Variants in GARRE1 observed in about 807,000 individuals in gnomAD.
GARRE1 encodes granule associated Rac and RHOG effector 1, also known as granule associated Rac and RHOG effector protein 1.
In GARRE1, 49 loss-of-function variants were observed where a neutral mutation model predicts 103.2. The observed-to-expected ratio is 0.47, with a 90% confidence interval of 0.38 to 0.60. GARRE1 has a LOEUF of 0.60. Among genes scored for constraint, GARRE1 ranks in the 20% least tolerant of loss-of-function variants. GARRE1 has a pLI of 0.00. For missense variants in GARRE1, 1,199 were observed against 1,370.5 expected (o/e 0.87, Z 1.98); for synonymous variants, 505 against 532.8 (o/e 0.95, Z 0.72).
intron 1 of GARRE1, among the ~76,000 whole-genome samples, chr19:34,290,332 G>A (rs567403550): frequency 1.0e-3 from 155 of 152,140 alleles, no homozygotes; most frequent in Non-Finnish European, 2.0e-3. Flanking sequence ...CTCCAGCCTG[G>A]GTGACAGAGC....
At chr19:34,352,114 C>T (rs1463622419) in intron 13 of GARRE1, among the ~76,000 whole-genome samples, 2 of 150,802 alleles carry the variant, frequency 1.3e-5, no homozygotes, top group Non-Finnish European at 3.0e-5. Flanking sequence ...TTTTTAAAAA[C>T]AATCAGCCGG....
intron 10 of GARRE1, among the ~76,000 whole-genome samples, chr19:34,347,025 G>C (rs1287680930): frequency 6.6e-6 from 1 of 152,028 alleles, no homozygotes; most frequent in Non-Finnish European, 1.5e-5. Flanking sequence ...CTGGGCCCAA[G>C]TGATCCCCCC....
At chr19:34,258,506 C>T (rs916807781) in intron 1 of GARRE1, among the ~76,000 whole-genome samples, 4 of 152,050 alleles carry the variant, frequency 2.6e-5, no homozygotes, top group South Asian at 2.1e-4. Context: ...CACTTCTGGC[C>T]GGGCGCAGTG....
At chr19:34,293,332 G>A (rs1181269601) in intron 1 of GARRE1, among the ~76,000 whole-genome samples, 1 of 151,548 alleles carries the variant, frequency 6.6e-6, no homozygotes, top group African/African-American at 2.4e-5. Context: ...GGGAAAAAAA[G>A]GAGTAAATAA....
intron 1 of GARRE1, among the ~76,000 whole-genome samples, chr19:34,260,295 A>G (rs1436998691): frequency 2.6e-5 from 4 of 152,208 alleles, no homozygotes; most frequent in African/African-American, 4.8e-5. Context: ...TTTTGTGACA[A>G]TGCGATTGCA....
chr19:34,347,275 G>A (rs184522056), intron 10 of GARRE1, among the ~76,000 whole-genome samples: 1 of 151,674 alleles, frequency 6.6e-6, no homozygotes, highest in Non-Finnish European at 1.5e-5. Context: ...TTTTAGTAGT[G>A]GTGACAGGGT....
intron 3 of GARRE1, among the ~76,000 whole-genome samples, chr19:34,320,427 G>A (rs914009029): frequency 3.9e-5 from 6 of 152,212 alleles, no homozygotes; most frequent in Admixed American, 6.5e-5. Context: ...GTCTCTGAAC[G>A]GTAGTGCTGC....
At chr19:34,299,251 C>T (rs746255499) in intron 1 of GARRE1, among the ~76,000 whole-genome samples, 1 of 152,146 alleles carries the variant, frequency 6.6e-6, no homozygotes, top group African/African-American at 2.4e-5. Context: ...TTTTGATTTC[C>T]CTTGCCCTTT....
At chr19:34,270,363 A>T (rs1458368474) in intron 1 of GARRE1, among the ~76,000 whole-genome samples, 1 of 152,184 alleles carries the variant, frequency 6.6e-6, no homozygotes, top group Non-Finnish European at 1.5e-5. Context: ...GTTGCTGTTT[A>T]GTTGGAGGAC....
At chr19:34,264,634 G>A (rs1372305842) in intron 1 of GARRE1, among the ~76,000 whole-genome samples, 2 of 152,294 alleles carry the variant, frequency 1.3e-5, no homozygotes, top group Admixed American at 1.3e-4. Context: ...TCCTGACCTT[G>A]TGATCCGCCC....
chr19:34,350,127 G>A (rs1297962065), intron 12 of GARRE1, among the ~76,000 whole-genome samples: 3 of 152,150 alleles, frequency 2.0e-5, no homozygotes, highest in Admixed American at 1.3e-4. Context: ...AGGGTATGAG[G>A]GTAGTAAATG....
intron 1 of GARRE1, among the ~76,000 whole-genome samples, chr19:34,279,523 T>G (rs2073838311): frequency 6.6e-6 from 1 of 152,048 alleles, no homozygotes; most frequent in Non-Finnish European, 1.5e-5. Context: ...GGCCAGCACT[T>G]ATTTTCTGTG....
intron 1 of GARRE1, among the ~76,000 whole-genome samples, chr19:34,270,150 A>G (rs548465878): frequency 3.3e-5 from 5 of 152,358 alleles, no homozygotes; most frequent in South Asian, 4.1e-4. Flanking sequence ...CCGCAGTTGC[A>G]CAGGAAATGA....
chr19:34,341,169 C>T (rs2074183928), intron 9 of GARRE1, among the ~76,000 whole-genome samples: 1 of 152,132 alleles, frequency 6.6e-6, no homozygotes, highest in African/African-American at 2.4e-5. Context: ...CCTCCTGTGC[C>T]ACCATTAGAG....
chr19:34,331,024 C>T (rs2074135608), intron 7 of GARRE1, among the ~76,000 whole-genome samples: 1 of 151,682 alleles, frequency 6.6e-6, no homozygotes, highest in African/African-American at 2.4e-5. Flanking sequence ...CTCGGCTTCC[C>T]GAGTAGCTGG....
At chr19:34,341,284 A>C in intron 9 of GARRE1, 138 bp from the exon 10 acceptor site, 1 of 681,614 alleles carries the variant, frequency 1.5e-6, no homozygotes, top group Non-Finnish European at 2.5e-6. Context: ...GTGTTCATTT[A>C]TATATAAAAT....
Position 34,353,108 on chromosome 19 carries a change from G to A in GARRE1, c.*153G>A. 1 of 707,306 alleles carries A rather than the reference G, an allele frequency of 1.4e-6. No individual in the cohort carries two copies. Among genetic ancestry groups the A allele is most frequent in the Middle Eastern group, 4.0e-4 (1 of 2,504 alleles). The allele number at this position is 707,306 out of a possible 1,614,324, so 43.8% of individuals were successfully genotyped here. A position where few individuals can be genotyped will look rare whatever the true frequency, so the allele number is the denominator to read the frequency against. On this transcript the variant is annotated 3_prime_UTR_variant, in exon 14 of 14. Coordinates refer to ENST00000299505, the MANE Select transcript of GARRE1 (RefSeq NM_014686.5). ...GGGTTCCTTGGGGACAAGGGTGGTT[G>A]GCAGCTCCAAGCCTTTAAACCTGGC...
intron 10 of GARRE1, among the ~76,000 whole-genome samples, chr19:34,344,131 T>C (rs1387841929): frequency 6.6e-6 from 1 of 152,176 alleles, no homozygotes; most frequent in Non-Finnish European, 1.5e-5. Context: ...AAAAACCATC[T>C]AAAATTAGTA....
chr19:34,282,124 ACTTC>A (rs2073858140), intron 1 of GARRE1, among the ~76,000 whole-genome samples: 1 of 151,426 alleles, frequency 6.6e-6, no homozygotes, highest in South Asian at 2.1e-4. Flanking sequence ...GTTGATTTCT[ACTTC>A]CTTTATGATT....
Sources: gnomAD v4.1 joint callset for allele counts (sites outside exome capture counted in the v4.1 genomes callset) on GRCh38, gnomAD v4.1.1 for gene constraint, MANE v1.5 for transcripts, NCBI Gene and HGNC (gene_info 2026-07-23, HGNC 2026-07-21) for gene names.